The following DNAJC5 variants were observed in gnomAD, a reference collection of about 807,000 sequenced individuals.
DNAJC5 encodes the protein dnaJ homolog subfamily C member 5.
Under a neutral mutation model 23.2 loss-of-function variants are expected in DNAJC5, and 1 was observed. That is an observed-to-expected ratio of 0.04 (90% confidence interval 0.02 to 0.20). DNAJC5 has a LOEUF of 0.20. Among genes scored for constraint, DNAJC5 ranks in the 10% least tolerant of loss-of-function variants. The pLI is 1.00. For missense variants in DNAJC5, 180 were observed against 267.0 expected (o/e 0.67, Z 2.27); for synonymous variants, 136 against 120.0 (o/e 1.13, Z -0.87).
chr20:63,896,956 C>T (rs140715489), intron 1 of DNAJC5, among the ~76,000 whole-genome samples: 54 of 152,166 alleles, frequency 3.5e-4, no homozygotes, highest in Admixed American at 2.5e-3. Context: ...AGTGTTGGCC[C>T]TCAGGACAGA....
intron 1 of DNAJC5, among the ~76,000 whole-genome samples, chr20:63,913,588 A>G (rs2053497225): frequency 6.8e-6 from 1 of 147,230 alleles, no homozygotes; most frequent in Admixed American, 6.7e-5. Flanking sequence ...TTTTTTATTT[A>G]TTGTTGAGAC....
intron 1 of DNAJC5, among the ~76,000 whole-genome samples, chr20:63,895,541 AGCCGG>A (rs966819894): frequency 2.8e-5 from 4 of 143,124 alleles, no homozygotes; most frequent in South Asian, 2.2e-4. Context: ...GGCCTGCGGG[AGCCGG>A]GCCGGGCCGG....
rs2053673239 is a variant in DNAJC5, at chr20:63,931,677, C to A, written c.*109C>A. On this transcript the variant is annotated 3_prime_UTR_variant, in exon 5 of 5. Coordinates refer to ENST00000360864, the MANE Select transcript of DNAJC5 (RefSeq NM_025219.3). This position sits in a 1 kb window ranked among gnomAD's most constrained non-coding sequence, Gnocchi z 9.6. ...GAAGGCAGCCTCCTGCCTGCCCTGG[C>A]CTTGCTGGGGCCCCTCCTGCCTCCA... 2 of 1,227,736 alleles carry A rather than the reference C, an allele frequency of 1.6e-6. No individual in the cohort carries two copies. The highest frequency in any genetic ancestry group is 2.3e-6 in the Non-Finnish European group (2 of 866,148). 76.1% of individuals were successfully genotyped at this position (1,227,736 alleles called of 1,614,324 possible). A position where few individuals can be genotyped will look rare whatever the true frequency, so the allele number is the denominator to read the frequency against.
chr20:63,897,935 C>T (rs948720664), intron 1 of DNAJC5, among the ~76,000 whole-genome samples: 1 of 152,174 alleles, frequency 6.6e-6, no homozygotes, highest in Non-Finnish European at 1.5e-5. Context: ...GTTGTATTAA[C>T]GTGGTTCAGA....
intron 1 of DNAJC5, among the ~76,000 whole-genome samples, chr20:63,924,410 A>C (rs1306868283): frequency 2.0e-5 from 3 of 152,120 alleles, no homozygotes; most frequent in African/African-American, 7.2e-5. Context: ...TTTTTGAAAC[A>C]AGGTCTCACT....
intron 1 of DNAJC5, among the ~76,000 whole-genome samples, chr20:63,926,633 A>G (rs1231706762): frequency 6.6e-6 from 1 of 152,250 alleles, no homozygotes; most frequent in Non-Finnish European, 1.5e-5. Context: ...CAGTGGGATA[A>G]TAACAGTCCA....
chr20:63,928,212 A>G lies in DNAJC5; in HGVS notation c.-11-123A>G. On this transcript the variant is annotated intron_variant, in intron 1 of 4. Transcript: ENST00000360864. This position sits in a 1 kb window ranked among gnomAD's most constrained non-coding sequence, Gnocchi z 4.6. ...ATGGCGTCTGTCTGTGCACGTGGCA[A>G]ACTCCACAAGGCAGTGTTGGATTCT... The G allele has an allele frequency of 2.5e-6, 2 of 798,226 alleles. No homozygotes were observed. Among genetic ancestry groups the G allele is most frequent in the South Asian group, 2.9e-5 (2 of 68,990 alleles). The allele number at this position is 798,226 out of a possible 1,614,324, so 49.4% of individuals were successfully genotyped here.
rs2053702530 is a variant in DNAJC5 at position 63,934,581 on chromosome 20, A to G, written c.*3013A>G. ...CCTTTCACGGCAGCTGCTGCTGTAT[A>G]GATTTGTCTCCACTCAGTGACGTGG... is the stretch of plus-strand genomic sequence containing the variant. On this transcript the variant is annotated 3_prime_UTR_variant, in exon 5 of 5. Coordinates refer to ENST00000360864, the MANE Select transcript of DNAJC5 (RefSeq NM_025219.3). 6.6e-6 allele frequency: 1 copy of G among 152,242 alleles called. No homozygotes were observed. Among genetic ancestry groups the G allele is most frequent in the Non-Finnish European group, 1.5e-5 (1 of 68,060 alleles). The allele number at this position is 152,242 out of a possible 1,614,324, so 9.4% of individuals were successfully genotyped here.
At chr20:63,895,683 T>C (rs902133142) in intron 1 of DNAJC5, among the ~76,000 whole-genome samples, 1 of 151,886 alleles carries the variant, frequency 6.6e-6, no homozygotes, top group Non-Finnish European at 1.5e-5. Context: ...TCTCCTCTCC[T>C]GCGGGGGGAC....
intron 1 of DNAJC5, among the ~76,000 whole-genome samples, chr20:63,901,928 CA>C (rs1191726132): frequency 6.6e-6 from 1 of 152,124 alleles, no homozygotes; most frequent in Non-Finnish European, 1.5e-5. Context: ...GGCCTTTTAC[CA>C]CAGCACTTTG....
intron 1 of DNAJC5, among the ~76,000 whole-genome samples, chr20:63,907,919 C>T (rs1003441514): frequency 1.3e-5 from 2 of 152,158 alleles, no homozygotes; most frequent in Non-Finnish European, 2.9e-5. Context: ...GCATGTGCAC[C>T]ATCACGCCTG....
At position 63,931,016 on chromosome 20, in the gene DNAJC5, G is replaced by A; in HGVS notation, c.487G>A (p.Glu163Lys). The change falls in exon 4 of 5, where the codon GAG becomes AAG. Residue 163 changes from glutamate to lysine, a missense_variant. Transcript: ENST00000360864. The surrounding 1 kb of genome is among the most constrained non-coding windows in gnomAD (Gnocchi z 9.6). ...TCTGGAGGCACAGCTGCAGTCTGAC[G>A]AGAGGGGTGAGTGCCCGCCCCAGGG... ...EDLEAQLQSD[E>K]REATDTPIVI... 6 of 1,613,872 alleles carry A rather than the reference G, an allele frequency of 3.7e-6. No individual in the cohort carries two copies. The highest frequency in any genetic ancestry group is 2.2e-5 in the East Asian group (1 of 44,886).
chr20:63,928,548 T>G lies in DNAJC5; in HGVS notation c.107+96T>G. The stretch of plus-strand genomic sequence containing the variant: ...TTTACCAAGAACCATTGCACATACT[T>G]TATCCTGGCCGACTCAGCGTTGAAC... On this transcript the variant is annotated intron_variant, in intron 2 of 4. Coordinates refer to ENST00000360864, the MANE Select transcript of DNAJC5 (RefSeq NM_025219.3). This position sits in a 1 kb window ranked among gnomAD's most constrained non-coding sequence, Gnocchi z 4.6. 9.6e-7 allele frequency: 1 copy of G among 1,041,812 alleles called. No homozygotes were observed. The allele number at this position is 1,041,812 out of a possible 1,614,324, so 64.5% of individuals were successfully genotyped here. A position where few individuals can be genotyped will look rare whatever the true frequency, so the allele number is the denominator to read the frequency against.
At chr20:63,904,844 C>A (rs1259959486) in intron 1 of DNAJC5, among the ~76,000 whole-genome samples, 1 of 152,116 alleles carries the variant, frequency 6.6e-6, no homozygotes, top group Admixed American at 6.6e-5. Context: ...GCTGTTGTAC[C>A]CCAGGCTGGA....
Position 63,931,335 on chromosome 20 carries a change from G to A in DNAJC5, c.494-130G>A, listed in dbSNP as rs2053668559. On this transcript the variant is annotated intron_variant, in intron 4 of 4. Transcript: ENST00000360864. The surrounding 1 kb of genome is among the most constrained non-coding windows in gnomAD (Gnocchi z 9.6). ...AGGCGACGGAGGAAAGCCGTGTGGGGTGGAGGTCAGCGAGTAGCCTCTCCC... is the reference window on the plus strand; with the variant it reads ...AGGCGACGGAGGAAAGCCGTGTGGGATGGAGGTCAGCGAGTAGCCTCTCCC... The A allele has an allele frequency of 2.1e-6, 2 of 954,616 alleles. No homozygotes were observed. The highest frequency in any genetic ancestry group is 1.6e-6 in the Non-Finnish European group (1 of 619,236). The allele number at this position is 954,616 out of a possible 1,614,324, so 59.1% of individuals were successfully genotyped here.
Position 63,917,114 on chromosome 20 carries a change from A to G in DNAJC5, c.-11-11221A>G, listed in dbSNP as rs191811389. ...GATTAAAGTAAGACAGGCTTAAGAA[A>G]TTATCAAAGTATTATTTGGAAACTG... is the stretch of plus-strand genomic sequence containing the variant. On this transcript the variant is annotated intron_variant, in intron 1 of 4. Transcript: ENST00000360864. 2.2e-3 allele frequency among the ~76,000 whole-genome samples: 328 copies of G among 152,346 alleles called. 3 individuals are homozygous for G. Among genetic ancestry groups the G allele is most frequent in the African/African-American group, 7.5e-3 (310 of 41,590 alleles).
rs2053667251 is a variant in DNAJC5, at chr20:63,931,210, G to A, written c.493+188G>A. 15 of 800,778 alleles carry A rather than the reference G, an allele frequency of 1.9e-5. No individual in the cohort carries two copies. The highest frequency in any genetic ancestry group is 1.7e-4 in the South Asian group (12 of 68,596). 49.6% of individuals were successfully genotyped at this position (800,778 alleles called of 1,614,324 possible). ...AAAGCAGGCGCATAGAGCTGTCCCC[G>A]CCGTGACCTGCGGTAGCCGTAGATC... On this transcript the variant is annotated intron_variant, in intron 4 of 4. Coordinates refer to ENST00000360864, the MANE Select transcript of DNAJC5 (RefSeq NM_025219.3). The surrounding 1 kb of genome is among the most constrained non-coding windows in gnomAD (Gnocchi z 9.6).
rs2053631158 is a variant in DNAJC5, at chr20:63,928,170, T to C, written c.-11-165T>C. On this transcript the variant is annotated intron_variant, in intron 1 of 4. Transcript: ENST00000360864. The surrounding 1 kb of genome is among the most constrained non-coding windows in gnomAD (Gnocchi z 4.6). Reference sequence around the variant, plus strand: ...CTTGGGGTGGCCGTATTCTGCCGTCTCACACTTCTCCATGCCATGGCGTCT... The same window carrying C: ...CTTGGGGTGGCCGTATTCTGCCGTCCCACACTTCTCCATGCCATGGCGTCT... Among the ~76,000 whole-genome samples, 1 of 152,166 alleles carries C rather than the reference T, an allele frequency of 6.6e-6. No homozygotes were observed. Among genetic ancestry groups the C allele is most frequent in the Admixed American group, 6.6e-5 (1 of 15,262 alleles).
At chr20:63,908,408 ACT>A (rs1406615921) in intron 1 of DNAJC5, among the ~76,000 whole-genome samples, 2 of 151,778 alleles carry the variant, frequency 1.3e-5, no homozygotes, top group Non-Finnish European at 2.9e-5. Context: ...TGGCGGATCC[ACT>A]CTCTGTGTCT....
Sources: allele counts gnomAD v4.1 joint callset (sites outside exome capture counted in the v4.1 genomes callset), GRCh38; gene constraint gnomAD v4.1.1; non-coding constraint Gnocchi (gnomAD v3.1); transcripts MANE v1.5; gene names NCBI Gene and HGNC (gene_info 2026-07-23, HGNC 2026-07-21).